The following NRG4 variants were observed in gnomAD, a reference collection of about 807,000 sequenced individuals.
NRG4 encodes the protein neuregulin 4.
In NRG4, 10 loss-of-function variants were observed where a neutral mutation model predicts 15.0. The ratio of observed to expected loss-of-function variants is 0.67; its 90% CI spans 0.41 to 1.13. The LOEUF is 1.13. Ranked by LOEUF, NRG4 falls within the 50% of genes most tolerant of loss-of-function variation. The pLI is 0.00. For missense variants in NRG4, 139 were observed against 140.2 expected, an observed-to-expected ratio of 0.99 and a Z score of 0.04; for synonymous variants, 41 against 50.1, an observed-to-expected ratio of 0.82 and a Z score of 0.77.
At chr15:76,007,855 G>T (rs958689095) in intron 3 of NRG4, among the ~76,000 whole-genome samples, 6 of 151,670 alleles carry the variant, frequency 4.0e-5, no homozygotes, top group African/African-American at 1.5e-4. Flanking sequence ...GTATTCAAAG[G>T]TGACACCTTT....
At chr15:75,965,359 G>T (rs2141821997) in intron 3 of NRG4, among the ~76,000 whole-genome samples, 1 of 152,314 alleles carries the variant, frequency 6.6e-6, no homozygotes, top group East Asian at 1.9e-4. Flanking sequence ...CAGGGTTTAT[G>T]CAAATAGAAA....
At chr15:75,954,707 G>A (rs919286537) in intron 5 of NRG4, among the ~76,000 whole-genome samples, 1 of 152,054 alleles carries the variant, frequency 6.6e-6, no homozygotes, top group Non-Finnish European at 1.5e-5. Context: ...TTACAGGTAT[G>A]AGCCACCATG....
upstream of NRG4, chr15:76,059,892 G>T (rs2036254992): frequency 6.8e-6 from 1 of 146,242 alleles, no homozygotes; most frequent in South Asian, 2.1e-4. Context: ...CGAGCGCGGT[G>T]GGCGGAGGGG....
intron 5 of NRG4, among the ~76,000 whole-genome samples, chr15:76,023,130 CCACACACACACACACACACA>C (rs10572540): frequency 0.014 from 1,674 of 120,178 alleles, 31 homozygotes; most frequent in African/African-American, 0.048. Flanking sequence ...CACCCATACT[CCACACACACACACACACACA>C]CACACACACA....
exon 5 of NRG4, chr15:76,035,950 A>G (rs1462927190): frequency 6.6e-6 from 1 of 152,208 alleles, no homozygotes; most frequent in East Asian, 1.9e-4. Flanking sequence ...TCACCAAGAA[A>G]TCTCTTGATT....
intron 4 of NRG4, among the ~76,000 whole-genome samples, chr15:76,050,351 C>T (rs149249959): frequency 2.7e-5 from 4 of 149,720 alleles, no homozygotes; most frequent in South Asian, 2.1e-4. Context: ...GTTTTTCCTT[C>T]GTAGAGGTTA....
downstream of NRG4, chr15:75,936,679 A>T (rs1374410075): frequency 6.6e-6 from 1 of 152,074 alleles, no homozygotes; most frequent in Non-Finnish European, 1.5e-5. Context: ...GGTTCAAGTG[A>T]TTCTGCTGCC....
chr15:76,036,328 T>G (rs1163370477), intron 4 of NRG4, among the ~76,000 whole-genome samples: 4 of 152,254 alleles, frequency 2.6e-5, no homozygotes, highest in Non-Finnish European at 5.9e-5. Flanking sequence ...TTTTATTCCA[T>G]GTAGCAGCTC....
chr15:76,019,740 C>T (rs1442065111), intron 5 of NRG4, among the ~76,000 whole-genome samples: 1 of 152,178 alleles, frequency 6.6e-6, no homozygotes, highest in Non-Finnish European at 1.5e-5. Flanking sequence ...AATCACCCGC[C>T]TTCTGTGTTG....
intron 4 of NRG4, among the ~76,000 whole-genome samples, chr15:76,045,986 A>G (rs1439810717): frequency 6.6e-6 from 1 of 151,240 alleles, no homozygotes; most frequent in Non-Finnish European, 1.5e-5. Context: ...TGGATACCCC[A>G]TTACCCTGAT....
At chr15:76,050,437 GTTTTTTTTTTTT>G (rs71444951) in intron 4 of NRG4, among the ~76,000 whole-genome samples, 1 of 91,878 alleles carries the variant, frequency 1.1e-5, no homozygotes, top group African/African-American at 4.2e-5. Context: ...CCGAGCCTTC[GTTTTTTTTTTTT>G]TTTTTTTTTT....
intron 3 of NRG4, among the ~76,000 whole-genome samples, chr15:75,978,079 A>T (rs1426065586): frequency 6.6e-6 from 1 of 152,128 alleles, no homozygotes; most frequent in African/African-American, 2.4e-5. Flanking sequence ...AGCCTCCCAA[A>T]GTGCTGGGAT....
At chr15:75,994,837 A>G (rs943856214) in intron 3 of NRG4, among the ~76,000 whole-genome samples, 1 of 152,156 alleles carries the variant, frequency 6.6e-6, no homozygotes, top group African/African-American at 2.4e-5. Flanking sequence ...GTCTTAGTCT[A>G]TTTGCATTGC....
At chr15:75,987,554 G>A (rs940765792) in intron 3 of NRG4, among the ~76,000 whole-genome samples, 2 of 152,032 alleles carry the variant, frequency 1.3e-5, no homozygotes, top group African/African-American at 2.4e-5. Context: ...ACTTACTTCC[G>A]CTCTCCCTCT....
intron 5 of NRG4, 122 bp downstream of exon 5, chr15:75,955,810 C>G (rs564892942): frequency 5.8e-5 from 21 of 359,402 alleles, no homozygotes; most frequent in Admixed American, 2.3e-4. Context: ...AAAAAAAAAA[C>G]CCATAGAAAA....
intron 2 of NRG4, among the ~76,000 whole-genome samples, chr15:76,056,165 C>T (rs1007794229): frequency 6.6e-6 from 1 of 152,004 alleles, no homozygotes; most frequent in African/African-American, 2.4e-5. Flanking sequence ...AACGATTTAG[C>T]GGCCGGGCGC....
chr15:75,974,082 T>C (rs1039143454), intron 3 of NRG4, among the ~76,000 whole-genome samples: 4 of 152,198 alleles, frequency 2.6e-5, no homozygotes, highest in Non-Finnish European at 5.9e-5. Flanking sequence ...GACTTCTTCC[T>C]GGTTTAGTGT....
intron 3 of NRG4, among the ~76,000 whole-genome samples, chr15:75,964,824 G>C (rs1326867498): frequency 6.6e-6 from 1 of 152,116 alleles, no homozygotes; most frequent in African/African-American, 2.4e-5. Context: ...TACTCAGGAG[G>C]CTGAGGTGGG....
intron 3 of NRG4, among the ~76,000 whole-genome samples, chr15:75,963,189 C>T (rs766955985): frequency 1.3e-5 from 2 of 152,168 alleles, no homozygotes; most frequent in Non-Finnish European, 2.9e-5. Flanking sequence ...TCAAGTCCTA[C>T]TCAATGTGAG....
Sources: gnomAD v4.1 joint callset for allele counts (sites outside exome capture counted in the v4.1 genomes callset) on GRCh38, gnomAD v4.1.1 for gene constraint, MANE v1.5 for transcripts, NCBI Gene and HGNC (gene_info 2026-07-23, HGNC 2026-07-21) for gene names.